The following SLC9B1 variants were observed in gnomAD, a reference collection of about 807,000 sequenced individuals.
SLC9B1 encodes solute carrier family 9 member B1.
Under a neutral mutation model 51.7 loss-of-function variants are expected in SLC9B1, and 32 were observed. That is an observed-to-expected ratio of 0.62 (90% confidence interval 0.47 to 0.83). The LOEUF (loss-of-function observed/expected upper bound fraction) is 0.83, where lower values mean the gene tolerates loss of function less well. Among genes scored for constraint, SLC9B1 ranks in the 40% least tolerant of loss-of-function variants. SLC9B1 has a pLI of 0.00. For missense variants in SLC9B1, 406 were observed against 613.2 expected, an observed-to-expected ratio of 0.66 and a Z score of 3.57; for synonymous variants, 145 against 212.7, an observed-to-expected ratio of 0.68 and a Z score of 2.77.
chr4:102,928,485 T>C (rs914459923), intron 7 of SLC9B1, among the ~76,000 whole-genome samples: 4 of 152,206 alleles, frequency 2.6e-5, no homozygotes, highest in African/African-American at 9.6e-5. Context: ...TTCCAAACTT[T>C]CCCACATCTT....
chr4:102,986,366 G>T (rs1165296641), intron 3 of SLC9B1, among the ~76,000 whole-genome samples: 1 of 151,468 alleles, frequency 6.6e-6, no homozygotes, highest in Non-Finnish European at 1.5e-5. Flanking sequence ...CTCTTTTATG[G>T]GTAGTTTTAC....
intron 1 of SLC9B1, among the ~76,000 whole-genome samples, chr4:103,001,191 G>C (rs1740506272): frequency 6.6e-6 from 1 of 152,222 alleles, no homozygotes; most frequent in Non-Finnish European, 1.5e-5. Flanking sequence ...CAAGTCCTGA[G>C]AGTGCACAAA....
At chr4:103,019,003 C>T (rs1016307911) in intron 1 of SLC9B1, among the ~76,000 whole-genome samples, 4 of 152,172 alleles carry the variant, frequency 2.6e-5, no homozygotes, top group African/African-American at 9.7e-5. Context: ...GCCTGATGAT[C>T]TGAGATAGAA....
chr4:103,016,134 C>CAAAAA lies in SLC9B1; in HGVS notation c.-2+3460_-2+3464dup, dbSNP rs61227731. Among the ~76,000 whole-genome samples the CAAAAA allele has an allele frequency of 6.8e-3, 337 of 49,604 alleles. 17 individuals carry two copies. Among genetic ancestry groups the CAAAAA allele is most frequent in the African/African-American group, 0.029 (312 of 10,716 alleles). 32.5% of individuals were successfully genotyped at this position (49,604 alleles called of 152,430 possible). On this transcript the variant is annotated intron_variant, in intron 1 of 11. Transcript: ENST00000296422. ...GGACAACAAGAGCCAAACTCTGTCTCAAAAAAAAAAAAAAAAAAAGGAAAG... is the reference window on the plus strand; with the variant it reads ...GGACAACAAGAGCCAAACTCTGTCTCAAAAAAAAAAAAAAAAAAAAAAAAGGAAAG...
chr4:102,955,040 A>C (rs1737711623), intron 3 of SLC9B1, among the ~76,000 whole-genome samples: 1 of 152,212 alleles, frequency 6.6e-6, no homozygotes, highest in African/African-American at 2.4e-5. Context: ...TAGGATTGGT[A>C]AAAGTCTGAG....
chr4:102,948,175 A>G (rs916508020), intron 4 of SLC9B1, among the ~76,000 whole-genome samples: 1 of 152,146 alleles, frequency 6.6e-6, no homozygotes, highest in Non-Finnish European at 1.5e-5. Flanking sequence ...AATAATTTGT[A>G]TTCATTCATT....
chr4:103,004,184 G>A lies in SLC9B1; in HGVS notation c.-1-12472C>T, dbSNP rs150799008. ...TTGAACCCCAATGCAAGGATTCTAA[G>A]GAATACAATAAAATGATATAGGAAC... On this transcript the variant is annotated intron_variant, in intron 1 of 11. Coordinates refer to ENST00000296422, the MANE Select transcript of SLC9B1 (RefSeq NM_139173.4). 3.2e-3 allele frequency among the ~76,000 whole-genome samples: 484 copies of A among 152,210 alleles called. 2 individuals are homozygous for A. Among genetic ancestry groups the A allele is most frequent in the African/African-American group, 0.011 (477 of 41,536 alleles).
chr4:102,949,248 T>C lies in SLC9B1; in HGVS notation c.382+9A>G. The C allele has an allele frequency of 6.4e-7, 1 of 1,554,108 alleles. No individual in the cohort carries two copies. Among genetic ancestry groups the C allele is most frequent in the Non-Finnish European group, 8.7e-7 (1 of 1,151,400 alleles). ...ATAATAAAGAAAAGAGAGCTAATTA[T>C]ATACTTACCAAGAAGAGGTGGAAGT... is the stretch of plus-strand genomic sequence containing the variant. On this transcript the variant is annotated intron_variant, in intron 4 of 11. Coordinates refer to ENST00000296422, the MANE Select transcript of SLC9B1 (RefSeq NM_139173.4).
At chr4:102,885,276 C>T (rs866399747) in exon 12 of SLC9B1, 3 of 1,614,012 alleles carry the variant, frequency 1.9e-6, no homozygotes, top group African/African-American at 1.3e-5. Context: ...GGCTACCTTG[C>T]AGTTCGTCCA....
chr4:102,919,188 T>C (rs1384009091), intron 7 of SLC9B1, among the ~76,000 whole-genome samples: 2 of 152,214 alleles, frequency 1.3e-5, no homozygotes, highest in East Asian at 3.9e-4. Flanking sequence ...AACATTCGGC[T>C]CCTTGTTACT....
chr4:102,888,757 C>A (rs223311), intron 11 of SLC9B1: 88,719 of 152,154 alleles, frequency 0.58, 27,416 homozygotes, highest in African/African-American at 0.8. Flanking sequence ...GCTGGGCAAC[C>A]TAGTGCTCCG....
intron 1 of SLC9B1, among the ~76,000 whole-genome samples, chr4:103,006,195 G>T (rs978821205): frequency 6.6e-6 from 1 of 151,396 alleles, no homozygotes; most frequent in Non-Finnish European, 1.5e-5. Flanking sequence ...ATTATTTAAA[G>T]AATAAATAAG....
At chr4:102,906,005 A>G (rs1735025952) in intron 10 of SLC9B1, among the ~76,000 whole-genome samples, 1 of 152,010 alleles carries the variant, frequency 6.6e-6, no homozygotes, top group Non-Finnish European at 1.5e-5. Flanking sequence ...GTACAATCTC[A>G]ACTCACTGCA....
At chr4:103,012,370 A>C (rs1030196549) in intron 1 of SLC9B1, among the ~76,000 whole-genome samples, 1 of 152,106 alleles carries the variant, frequency 6.6e-6, no homozygotes, top group African/African-American at 2.4e-5. Context: ...AATGGTCTTT[A>C]CTCTCCACAT....
intron 3 of SLC9B1, among the ~76,000 whole-genome samples, chr4:102,955,470 G>A (rs1448426219): frequency 6.6e-6 from 1 of 152,132 alleles, no homozygotes; most frequent in African/African-American, 2.4e-5. Context: ...AGTTTTACCA[G>A]TTTGAAGCTG....
At chr4:102,913,691 A>G (rs575808996) in intron 7 of SLC9B1, among the ~76,000 whole-genome samples, 5 of 152,080 alleles carry the variant, frequency 3.3e-5, no homozygotes, top group African/African-American at 7.2e-5. Flanking sequence ...AAAGAATCCA[A>G]ATTAACTCTC....
At chr4:102,959,506 A>C (rs1737981508) in intron 3 of SLC9B1, among the ~76,000 whole-genome samples, 1 of 151,586 alleles carries the variant, frequency 6.6e-6, no homozygotes, top group Non-Finnish European at 1.5e-5. Context: ...CTGGTTATAG[A>C]ATTTTTGACA....
chr4:102,940,173 A>T lies in SLC9B1; in HGVS notation c.653+5020T>A, dbSNP rs191059962. ...AGCAAAGTTTCAGGTTACAAAACTC[A>T]ATGTACAAAAATCTGTAGCATTTCT... On this transcript the variant is annotated intron_variant, in intron 6 of 11. Coordinates refer to ENST00000296422, the MANE Select transcript of SLC9B1 (RefSeq NM_139173.4). Among the ~76,000 whole-genome samples, 399 of 152,336 alleles carry T rather than the reference A, an allele frequency of 2.6e-3. 6 individuals are homozygous for T. Among genetic ancestry groups the T allele is most frequent in the Non-Finnish European group, 1.1e-3 (76 of 68,018 alleles).
In SLC9B1 at chr4:102,977,297, TAA is replaced by T. The variant is rs3974480; in HGVS notation, c.211+12501_211+12502del. On this transcript the variant is annotated intron_variant, in intron 3 of 11. Transcript: ENST00000296422. ...GTATAACTGAGACAATATTATAACT[TAA>T]AAAAAAAAAAAAAAAAACAGAAAAA... Among the ~76,000 whole-genome samples, 344 of 129,302 alleles carry T rather than the reference TAA, an allele frequency of 2.7e-3. 5 individuals carry two copies. The highest frequency in any genetic ancestry group is 8.0e-3 in the African/African-American group (296 of 36,822). 84.8% of individuals were successfully genotyped at this position (129,302 alleles called of 152,430 possible).
Sources: allele counts gnomAD v4.1 joint callset (sites outside exome capture counted in the v4.1 genomes callset), GRCh38; gene constraint gnomAD v4.1.1; transcripts MANE v1.5; gene names NCBI Gene and HGNC (gene_info 2026-07-23, HGNC 2026-07-21).